TEX36: variants seen among roughly 807,000 people sequenced by gnomAD.
TEX36 encodes the protein testis expressed 36.
Under a neutral mutation model 13.6 loss-of-function variants are expected in TEX36, and 12 were observed. That is an observed-to-expected ratio of 0.88 (90% CI 0.56 to 1.43). The LOEUF (loss-of-function observed/expected upper bound fraction) is 1.43. Among genes scored for constraint, TEX36 ranks in the 40% most tolerant of loss-of-function variants. TEX36 has a pLI of 0.00. For missense variants in TEX36, 224 were observed against 228.3 expected (o/e 0.98, Z 0.12); for synonymous variants, 93 against 83.0 (o/e 1.12, Z -0.65).
At chr10:125,661,504 G>A (rs937275897) in intron 2 of TEX36, among the ~76,000 whole-genome samples, 2 of 152,170 alleles carry the variant, frequency 1.3e-5, no homozygotes, top group Non-Finnish European at 2.9e-5. Flanking sequence ...ACCCTGGCAG[G>A]TATGAAATGG....
At chr10:125,606,104 C>T (rs894606546) in intron 3 of TEX36, among the ~76,000 whole-genome samples, 3 of 152,152 alleles carry the variant, frequency 2.0e-5, no homozygotes, top group African/African-American at 7.2e-5. Context: ...CATTCTTAGA[C>T]TGTTGGGCCG....
At chr10:125,578,792 A>C (rs2133519291) in intron 3 of TEX36, among the ~76,000 whole-genome samples, 1 of 152,258 alleles carries the variant, frequency 6.6e-6, no homozygotes, top group African/African-American at 2.4e-5. Flanking sequence ...ACCTCTCAAA[A>C]ACCAAACCCA....
intron 3 of TEX36, among the ~76,000 whole-genome samples, chr10:125,606,071 A>G (rs1846212154): frequency 6.6e-6 from 1 of 152,218 alleles, no homozygotes; most frequent in Non-Finnish European, 1.5e-5. Context: ...TTACCAGCCC[A>G]GAGGGAACTT....
intron 3 of TEX36, among the ~76,000 whole-genome samples, chr10:125,631,390 G>A (rs575782600): frequency 6.6e-6 from 1 of 152,194 alleles, no homozygotes. Context: ...CACACCTTCG[G>A]GGTGGGCCTC....
chr10:125,621,984 G>A (rs919081352), intron 3 of TEX36, among the ~76,000 whole-genome samples: 14 of 152,074 alleles, frequency 9.2e-5, no homozygotes, highest in Non-Finnish European at 2.1e-4. Context: ...CCAGTCCACT[G>A]ACTCAAATGC....
intron 3 of TEX36, among the ~76,000 whole-genome samples, chr10:125,645,117 G>A (rs1205834674): frequency 1.3e-5 from 2 of 152,230 alleles, no homozygotes; most frequent in African/African-American, 4.8e-5. Context: ...ACCTTGAGCA[G>A]AAGACCTCAC....
chr10:125,647,357 C>G (rs1555004368), intron 3 of TEX36, among the ~76,000 whole-genome samples: 1 of 152,030 alleles, frequency 6.6e-6, no homozygotes, highest in Non-Finnish European at 1.5e-5. Context: ...TGATGTGTAC[C>G]ACACCAAAGC....
chr10:125,576,788 A>G (rs1264454911), exon 4 of TEX36: 1 of 1,535,802 alleles, frequency 6.5e-7, no homozygotes, highest in Non-Finnish European at 8.7e-7. Context: ...TCAGGCCTGG[A>G]TGAGGAATGG....
chr10:125,660,409 G>A (rs1847015984), intron 3 of TEX36, among the ~76,000 whole-genome samples: 1 of 152,162 alleles, frequency 6.6e-6, no homozygotes, highest in African/African-American at 2.4e-5. Context: ...TCAGGGCTGA[G>A]CCACTGCTCC....
intron 3 of TEX36, among the ~76,000 whole-genome samples, chr10:125,624,927 G>A (rs895231569): frequency 2.0e-5 from 3 of 152,158 alleles, no homozygotes; most frequent in Non-Finnish European, 4.4e-5. Context: ...GGCAAGAGCC[G>A]TCAACACAGG....
intron 3 of TEX36, among the ~76,000 whole-genome samples, chr10:125,598,408 C>T (rs1219791022): frequency 6.6e-6 from 1 of 152,150 alleles, no homozygotes; most frequent in Non-Finnish European, 1.5e-5. Flanking sequence ...CTCCTCCTGC[C>T]TTTGCCTCTG....
intron 1 of TEX36, among the ~76,000 whole-genome samples, chr10:125,675,595 G>A (rs1847299051): frequency 6.6e-6 from 1 of 152,188 alleles, no homozygotes; most frequent in Non-Finnish European, 1.5e-5. Flanking sequence ...GGTTTCCAGG[G>A]CAGGGCAAGA....
intron 3 of TEX36, among the ~76,000 whole-genome samples, chr10:125,644,478 G>A (rs974915905): frequency 2.6e-5 from 4 of 152,150 alleles, no homozygotes; most frequent in African/African-American, 4.8e-5. Context: ...ATTCCCAAGT[G>A]TGCATATTAT....
At chr10:125,658,558 A>G (rs972003344) in intron 3 of TEX36, among the ~76,000 whole-genome samples, 6 of 151,392 alleles carry the variant, frequency 4.0e-5, no homozygotes, top group Non-Finnish European at 5.9e-5. Flanking sequence ...TGTAACCAAC[A>G]GGGGGGAATA....
intron 1 of TEX36, among the ~76,000 whole-genome samples, chr10:125,662,708 T>C (rs977795522): frequency 2.0e-5 from 3 of 151,948 alleles, no homozygotes; most frequent in Non-Finnish European, 4.4e-5. Flanking sequence ...CCAGTCTCTG[T>C]GCACCAAGCA....
chr10:125,630,104 C>T (rs369434135), intron 3 of TEX36, among the ~76,000 whole-genome samples: 1 of 152,192 alleles, frequency 6.6e-6, no homozygotes, highest in African/African-American at 2.4e-5. Flanking sequence ...TTCTAGACGC[C>T]TCCTCTGCTA....
chr10:125,613,291 T>C (rs1471362829), intron 3 of TEX36, among the ~76,000 whole-genome samples: 1 of 138,744 alleles, frequency 7.2e-6, no homozygotes, highest in African/African-American at 2.8e-5. Context: ...ATTTTTATTA[T>C]TATTATACTT....
intron 3 of TEX36, among the ~76,000 whole-genome samples, chr10:125,594,125 T>C (rs1006265878): frequency 2.6e-5 from 4 of 152,142 alleles, no homozygotes; most frequent in Non-Finnish European, 5.9e-5. Context: ...GCCATCTGGA[T>C]TATATTTTGG....
downstream of TEX36, among the ~76,000 whole-genome samples, chr10:125,650,749 A>T (rs890611680): frequency 6.6e-5 from 10 of 152,300 alleles, no homozygotes; most frequent in Non-Finnish European, 1.5e-4. Context: ...TTGATAGACC[A>T]CTAGCAAGAC....
Sources: allele counts gnomAD v4.1 joint callset (sites outside exome capture counted in the v4.1 genomes callset), GRCh38; gene constraint gnomAD v4.1.1; transcripts MANE v1.5; gene names NCBI Gene and HGNC (gene_info 2026-07-23, HGNC 2026-07-21).